Variants in ECE1 observed in about 807,000 individuals in gnomAD.
ECE1 encodes the protein endothelin-converting enzyme 1.
ECE1 carries 35 observed loss-of-function variants against 98.6 expected under a neutral mutation model. That is an observed-to-expected ratio of 0.35 (90% CI 0.27 to 0.47). ECE1 has a LOEUF of 0.47. Among genes scored for constraint, ECE1 ranks in the 20% least tolerant of loss-of-function variants. The pLI is 1.00. For missense variants in ECE1, 814 were observed against 1,025.3 expected (o/e 0.79, Z 2.81); for synonymous variants, 394 against 407.1 (o/e 0.97, Z 0.39).
intron 4 of ECE1, among the ~76,000 whole-genome samples, chr1:21,271,804 G>C (rs1450413878): frequency 6.6e-6 from 1 of 152,130 alleles, no homozygotes; most frequent in Non-Finnish European, 1.5e-5. Flanking sequence ...CCAAGGCCTA[G>C]TGAAGTGCAA....
intron 4 of ECE1, among the ~76,000 whole-genome samples, chr1:21,271,162 C>T (rs1272045916): frequency 1.3e-5 from 2 of 152,206 alleles, no homozygotes; most frequent in East Asian, 1.9e-4. Context: ...TGCTCATCCT[C>T]AGGAAGTTAG....
chr1:21,241,961 C>T (rs1035644857), intron 10 of ECE1, among the ~76,000 whole-genome samples: 1 of 152,144 alleles, frequency 6.6e-6, no homozygotes, highest in Non-Finnish European at 1.5e-5. Flanking sequence ...CCTGACCTGG[C>T]TGCAATTTTT....
chr1:21,241,648 C>T (rs1009612464), intron 10 of ECE1, among the ~76,000 whole-genome samples: 2 of 152,008 alleles, frequency 1.3e-5, no homozygotes, highest in Admixed American at 6.6e-5. Flanking sequence ...GTCTTGAACT[C>T]CTGGCCTCAG....
At position 21,225,048 on chromosome 1, in the gene ECE1, T is replaced by C. The variant is rs1003234753; in HGVS notation, c.2040+202A>G. On this transcript the variant is annotated intron_variant, in intron 17 of 18. Transcript: ENST00000374893. This position sits in a 1 kb window ranked among gnomAD's most constrained non-coding sequence, Gnocchi z 5.3. ...AGGCCAGACTCAGAGCACAAAGCCT[T>C]CTGGTGCCAAGCCCTGTGGTGGGGG... 2.0e-5 allele frequency among the ~76,000 whole-genome samples: 3 copies of C among 152,190 alleles called. No homozygotes were observed. The highest frequency in any genetic ancestry group is 7.2e-5 in the African/African-American group (3 of 41,458).
rs1225484696 is a variant in ECE1, at chr1:21,279,336, C to A, written c.139-4G>T. ...TCCGGGGGCTGTGGAAGTTCACCTG[C>A]AGGGAAGGAGGCAGGAGGGGCGGGG... On this transcript the variant is annotated splice_region_variant and splice_polypyrimidine_tract_variant and intron_variant, in intron 2 of 18. Coordinates refer to ENST00000374893, the MANE Select transcript of ECE1 (RefSeq NM_001397.3). 2 of 1,614,160 alleles carry A rather than the reference C, an allele frequency of 1.2e-6. No homozygotes were observed. Among genetic ancestry groups the A allele is most frequent in the Admixed American group, 3.3e-5 (2 of 60,022 alleles).
chr1:21,341,161 G>A (rs1374157567), intron 1 of ECE1, among the ~76,000 whole-genome samples: 4 of 152,084 alleles, frequency 2.6e-5, no homozygotes, highest in African/African-American at 7.2e-5. Context: ...AGCCCCCCGC[G>A]TGTCTCCCTG....
At chr1:21,289,092 C>G (rs1465733035) in intron 2 of ECE1, among the ~76,000 whole-genome samples, 1 of 152,180 alleles carries the variant, frequency 6.6e-6, no homozygotes, top group Non-Finnish European at 1.5e-5. Flanking sequence ...AACTAAGCGT[C>G]CATTCATCCT....
chr1:21,219,933 C>T lies in ECE1; in HGVS notation c.*22G>A. 1 of 1,613,940 alleles carries T rather than the reference C, an allele frequency of 6.2e-7. No individual in the cohort carries two copies. The highest frequency in any genetic ancestry group is 1.7e-5 in the Admixed American group (1 of 60,028). The stretch of plus-strand genomic sequence containing the variant: ...TCCTCAGCCCCTTCCCCTCCTCCGT[C>T]TTGGCTCTCTCCGCTTCGTCCTTAC... On this transcript the variant is annotated 3_prime_UTR_variant, in exon 19 of 19. Transcript: ENST00000374893. This position sits in a 1 kb window ranked among gnomAD's most constrained non-coding sequence, Gnocchi z 4.5.
chr1:21,255,182 G>A (rs1462045435), intron 8 of ECE1, among the ~76,000 whole-genome samples: 1 of 152,152 alleles, frequency 6.6e-6, no homozygotes, highest in Non-Finnish European at 1.5e-5. Flanking sequence ...TGGTCACAAG[G>A]TAAGGAAGGA....
chr1:21,256,106 C>G lies in ECE1; in HGVS notation c.861G>C (p.Gln287His). 1.9e-6 allele frequency: 3 copies of G among 1,608,646 alleles called. No individual in the cohort carries two copies. The South Asian group carries it at 3.3e-5, about 18-fold the overall frequency. Reference protein sequence around the residue: ...VLTGYLNYMVQLGKLLGGGDE... With the variant: ...VLTGYLNYMVHLGKLLGGGDE... ...CCCCGCCGCCCAGCAGCTTCCCCAGCTGGACCATGTAGTTCAGATATCCGG... is the reference window on the plus strand; with the variant it reads ...CCCCGCCGCCCAGCAGCTTCCCCAGGTGGACCATGTAGTTCAGATATCCGG... Residue 287 changes from glutamine (Q) to histidine (H), a missense_variant, in exon 8 of 19, where the codon CAG becomes CAC. Gln to His is a conservative substitution (Grantham distance 24, BLOSUM62 0). Transcript: ENST00000374893.
chr1:21,336,230 A>G (rs1639303127), intron 1 of ECE1, among the ~76,000 whole-genome samples: 1 of 152,144 alleles, frequency 6.6e-6, no homozygotes, highest in Admixed American at 6.5e-5. Flanking sequence ...AAAATATCAG[A>G]AAATTAGCTG....
At chr1:21,227,127 C>A (rs1307690066) in intron 16 of ECE1, 32 bp downstream of exon 16, 3 of 1,610,362 alleles carry the variant, frequency 1.9e-6, no homozygotes, top group Middle Eastern at 1.7e-4. Flanking sequence ...AGATTACAGG[C>A]ATGAGCCATC....
intron 1 of ECE1, among the ~76,000 whole-genome samples, chr1:21,310,775 TG>T (rs1274487582): frequency 6.6e-6 from 1 of 152,178 alleles, no homozygotes; most frequent in Non-Finnish European, 1.5e-5. Context: ...CCCTCTGCTC[TG>T]TCCCTGATCA....
intron 1 of ECE1, among the ~76,000 whole-genome samples, chr1:21,330,740 C>G (rs1639183231): frequency 6.6e-6 from 1 of 152,146 alleles, no homozygotes; most frequent in African/African-American, 2.4e-5. Flanking sequence ...CCTTCTTCCT[C>G]CCCCTGACTC....
chr1:21,270,689 C>A (rs539388711), intron 4 of ECE1, among the ~76,000 whole-genome samples: 2 of 152,332 alleles, frequency 1.3e-5, no homozygotes, highest in South Asian at 2.1e-4. Flanking sequence ...GCAGCCACCA[C>A]AACATGCCAA....
chr1:21,279,241 G>A lies in ECE1; in HGVS notation c.230C>T (p.Ala77Val), dbSNP rs769399942. 16 of 1,614,046 alleles carry A rather than the reference G, an allele frequency of 9.9e-6. No individual in the cohort carries two copies. The highest frequency in any genetic ancestry group is 2.7e-5 in the African/African-American group (2 of 74,924). The part of the protein sequence containing the change: ...KRLVVLVVLL[A>V]AGLVACLAAL... Reference sequence around the variant, plus strand: ...TGCCAAGCAGGCCACCAGTCCTGCCGCCAGAAGTACCACCAACACCACCAG... The same window carrying A: ...TGCCAAGCAGGCCACCAGTCCTGCCACCAGAAGTACCACCAACACCACCAG... The change falls in exon 3 of 19, where the codon GCG becomes GTG. Residue 77 changes from alanine to valine, a missense_variant. Physicochemically the swap from Ala to Val is moderately conservative, Grantham distance 64. This residue lies in a region of ECE1 where 257 missense variants were observed against 278.9 expected (regional missense o/e 0.92). Transcript: ENST00000374893.
chr1:21,251,352 A>C (rs949847432), intron 8 of ECE1, among the ~76,000 whole-genome samples: 2 of 152,054 alleles, frequency 1.3e-5, no homozygotes, highest in African/African-American at 4.8e-5. Context: ...ATCTCTGCTA[A>C]AAGTATAAAA....
chr1:21,297,159 G>A (rs969605372), intron 1 of ECE1, among the ~76,000 whole-genome samples: 6 of 152,216 alleles, frequency 3.9e-5, no homozygotes, highest in Admixed American at 6.5e-5. Flanking sequence ...CACACACAGC[G>A]CTGGGAAGCA....
intron 4 of ECE1, among the ~76,000 whole-genome samples, chr1:21,264,881 A>G (rs796235352): frequency 1.3e-5 from 2 of 152,032 alleles, no homozygotes. Flanking sequence ...ACTCTTCCCC[A>G]TGGCTGGCTG....
Sources: gnomAD v4.1 joint callset for allele counts (sites outside exome capture counted in the v4.1 genomes callset) on GRCh38, gnomAD v4.1.1 for gene constraint, gnomAD v4.1.1 regional missense constraint, Gnocchi (gnomAD v3.1) non-coding constraint, MANE v1.5 for transcripts, NCBI Gene and HGNC (gene_info 2026-07-23, HGNC 2026-07-21) for gene names.